Variants in VAV3 observed in about 807,000 individuals in gnomAD.
VAV3 encodes the protein guanine nucleotide exchange factor VAV3.
VAV3 carries 94 observed loss-of-function variants against 131.2 expected under a neutral mutation model. That is an observed-to-expected ratio of 0.72 (90% CI 0.61 to 0.85). The LOEUF is 0.85. Among genes scored for constraint, VAV3 ranks in the 40% least tolerant of loss-of-function variants. The pLI is 0.00. For missense variants in VAV3, 939 were observed against 1,002.7 expected (o/e 0.94, Z 0.86); for synonymous variants, 349 against 342.0 (o/e 1.02, Z -0.22).
chr1:107,702,527 C>T (rs939441281), intron 17 of VAV3, among the ~76,000 whole-genome samples: 1 of 152,070 alleles, frequency 6.6e-6, no homozygotes, highest in African/African-American at 2.4e-5. Flanking sequence ...ATTTTACTGC[C>T]ATAGACAAAA....
At position 107,572,887 on chromosome 1, in the gene VAV3, A is replaced by G. The variant is rs538183134; in HGVS notation, c.*444T>C. On this transcript the variant is annotated 3_prime_UTR_variant, in exon 27 of 27. Transcript: ENST00000370056. Reference sequence around the variant, plus strand: ...AATGGCAGAACTCCAATTTTTCGTCATGCTGGGAAAAGGAAAATTACACTT... The same window carrying G: ...AATGGCAGAACTCCAATTTTTCGTCGTGCTGGGAAAAGGAAAATTACACTT... 64 of 157,276 alleles carry G rather than the reference A, an allele frequency of 4.1e-4. No homozygotes were observed. The highest frequency in any genetic ancestry group is 2.7e-3 in the Admixed American group (41 of 15,450). 9.7% of individuals were successfully genotyped at this position (157,276 alleles called of 1,614,324 possible).
chr1:107,824,183 T>C (rs973491718), intron 2 of VAV3, among the ~76,000 whole-genome samples: 1 of 152,094 alleles, frequency 6.6e-6, no homozygotes, highest in East Asian at 1.9e-4. Flanking sequence ...ATAAAAGTAA[T>C]TGTAATGTGG....
intron 17 of VAV3, among the ~76,000 whole-genome samples, chr1:107,694,314 G>T (rs949666380): frequency 2.0e-5 from 3 of 152,144 alleles, no homozygotes; most frequent in Non-Finnish European, 4.4e-5. Context: ...CATGTTTCAG[G>T]CAGAGGAAAT....
intron 21 of VAV3, among the ~76,000 whole-genome samples, chr1:107,616,040 G>C (rs927368230): frequency 6.6e-6 from 1 of 152,126 alleles, no homozygotes; most frequent in Non-Finnish European, 1.5e-5. Flanking sequence ...AAAGCAGTGT[G>C]ACAATTTCTC....
chr1:107,815,513 G>A (rs984463472), intron 2 of VAV3, among the ~76,000 whole-genome samples: 6 of 152,188 alleles, frequency 3.9e-5, no homozygotes, highest in African/African-American at 1.4e-4. Flanking sequence ...GGCCCTTGCA[G>A]AGATTCTGTA....
At chr1:107,771,284 G>A (rs1043838758) in intron 5 of VAV3, among the ~76,000 whole-genome samples, 64 of 143,680 alleles carry the variant, frequency 4.5e-4, no homozygotes, top group Non-Finnish European at 5.1e-4. Context: ...TCAGAGTCTC[G>A]CTCTGTCGCC....
chr1:107,756,628 G>A (rs936861184), intron 11 of VAV3, among the ~76,000 whole-genome samples: 11 of 151,638 alleles, frequency 7.3e-5, no homozygotes, highest in Admixed American at 1.3e-4. Context: ...ATATTATTTC[G>A]TTTCAAAGTC....
rs988653811 is a variant in VAV3, at chr1:107,896,801, A to G, written c.205-21784T>C. ...CATTTATACCACTTTTCAGACTTAA[A>G]CTGTTTTTGTTATGTATTAGAGGGG... On this transcript the variant is annotated intron_variant, in intron 1 of 26. Coordinates refer to ENST00000370056, the MANE Select transcript of VAV3 (RefSeq NM_006113.5). Among the ~76,000 whole-genome samples, 25 of 152,154 alleles carry G rather than the reference A, an allele frequency of 1.6e-4. 1 individual carries two copies. Among genetic ancestry groups the G allele is most frequent in the African/African-American group, 5.8e-4 (24 of 41,420 alleles).
chr1:107,781,102 G>T (rs1020689273), intron 2 of VAV3, among the ~76,000 whole-genome samples: 3 of 152,048 alleles, frequency 2.0e-5, no homozygotes, highest in African/African-American at 7.2e-5. Context: ...ATATATGGTT[G>T]TAGTTAGAAA....
At position 107,577,651 on chromosome 1, in the gene VAV3, C is replaced by G. The variant is rs567946840; in HGVS notation, c.2351-3453G>C. Among the ~76,000 whole-genome samples, 6 of 152,276 alleles carry G rather than the reference C, an allele frequency of 3.9e-5. No individual in the cohort carries two copies. In the South Asian group the frequency reaches 1.2e-3, roughly 32 times the overall value. The stretch of plus-strand genomic sequence containing the variant: ...CTTTTTGGCTCTTCATTCTATCCTG[C>G]TGTCTGGAATATGAAAGCTACTATC... On this transcript the variant is annotated intron_variant, in intron 25 of 26. Coordinates refer to ENST00000370056, the MANE Select transcript of VAV3 (RefSeq NM_006113.5).
intron 21 of VAV3, among the ~76,000 whole-genome samples, chr1:107,612,244 T>C (rs1028056939): frequency 5.9e-5 from 9 of 151,688 alleles, no homozygotes; most frequent in Non-Finnish European, 1.3e-4. Flanking sequence ...TCCTGAAGTA[T>C]ACCTTATGAA....
At chr1:107,611,586 C>T (rs1332609709) in intron 21 of VAV3, among the ~76,000 whole-genome samples, 1 of 112,402 alleles carries the variant, frequency 8.9e-6, no homozygotes, top group African/African-American at 3.1e-5. Context: ...CCAAGCTTTC[C>T]ATAGAGAACC....
intron 19 of VAV3, among the ~76,000 whole-genome samples, chr1:107,665,694 TCC>T (rs1657360029): frequency 6.6e-6 from 1 of 152,162 alleles, no homozygotes; most frequent in Non-Finnish European, 1.5e-5. Flanking sequence ...CACACAGCCA[TCC>T]CTGCTGAGGG....
At chr1:107,675,044 C>G (rs1428283918) in intron 19 of VAV3, among the ~76,000 whole-genome samples, 1 of 152,100 alleles carries the variant, frequency 6.6e-6, no homozygotes, top group Non-Finnish European at 1.5e-5. Context: ...ACCAGTTGAG[C>G]CTTCGGATGA....
In VAV3 at chr1:107,720,714, G is replaced by A. The variant is rs375533342; in HGVS notation, c.1503-15653C>T. 4.3e-4 allele frequency among the ~76,000 whole-genome samples: 65 copies of A among 152,224 alleles called. No homozygotes were observed. In the East Asian group the frequency reaches 0.012, roughly 28 times the overall value. ...GTGTAGTGCTTTAGTAACATTCTAG[G>A]CCCAGTGGGACTTACAGGTTATGAA... On this transcript the variant is annotated intron_variant, in intron 15 of 26. Transcript: ENST00000370056.
At chr1:107,879,528 G>A (rs1670663043) in intron 1 of VAV3, among the ~76,000 whole-genome samples, 1 of 152,036 alleles carries the variant, frequency 6.6e-6, no homozygotes, top group South Asian at 2.1e-4. Context: ...TAGAGATAGG[G>A]TGTTTTGGCA....
intron 2 of VAV3, among the ~76,000 whole-genome samples, chr1:107,812,122 A>T (rs1216000186): frequency 2.0e-5 from 3 of 152,214 alleles, no homozygotes; most frequent in Admixed American, 1.3e-4. Context: ...TCATTAACAA[A>T]AGTTTAAAGG....
intron 25 of VAV3, among the ~76,000 whole-genome samples, chr1:107,590,778 C>T (rs990493296): frequency 6.6e-5 from 10 of 152,094 alleles, no homozygotes; most frequent in African/African-American, 1.2e-4. Flanking sequence ...CTAAGATATA[C>T]GCAAACCTGC....
intron 1 of VAV3, among the ~76,000 whole-genome samples, chr1:107,875,405 G>C (rs746751955): frequency 9.2e-5 from 14 of 152,160 alleles, no homozygotes; most frequent in Non-Finnish European, 1.9e-4. Context: ...GATGGTTAGA[G>C]AAGGTCTCAC....
Sources: gnomAD v4.1 joint callset for allele counts (sites outside exome capture counted in the v4.1 genomes callset) on GRCh38, gnomAD v4.1.1 for gene constraint, MANE v1.5 for transcripts, NCBI Gene and HGNC (gene_info 2026-07-23, HGNC 2026-07-21) for gene names.